Variants in KIF6 observed in about 807,000 individuals in gnomAD.
The protein encoded by KIF6 is kinesin-like protein KIF6.
Under a neutral mutation model 112.7 loss-of-function variants are expected in KIF6, and 106 were observed. The observed-to-expected ratio is 0.94, with a 90% CI of 0.80 to 1.11. The LOEUF is 1.11. Among genes scored for constraint, KIF6 ranks in the 50% least tolerant of loss-of-function variants. The pLI is 0.00. For missense variants in KIF6, 929 were observed against 964.0 expected, an observed-to-expected ratio of 0.96 and a Z score of 0.48; for synonymous variants, 339 against 339.9, an observed-to-expected ratio of 1.00 and a Z score of 0.03.
At chr6:39,357,669 G>A (rs565577082) in intron 18 of KIF6, among the ~76,000 whole-genome samples, 1 of 152,060 alleles carries the variant, frequency 6.6e-6, no homozygotes, top group African/African-American at 2.4e-5. Context: ...GGCTGGTCTC[G>A]AACTCCTGAC....
chr6:39,429,920 T>A (rs80009770), intron 14 of KIF6, among the ~76,000 whole-genome samples: 71 of 151,264 alleles, frequency 4.7e-4, no homozygotes, highest in African/African-American at 9.2e-4. Flanking sequence ...AAAAAAAAAA[T>A]GATTTTCATC....
At position 39,545,659 on chromosome 6, in the gene KIF6, T is replaced by C. The variant is rs763378621; in HGVS notation, c.1211A>G (p.Glu404Gly). The C allele has an allele frequency of 5.0e-6, 8 of 1,613,262 alleles. No homozygotes were observed. Among genetic ancestry groups the C allele is most frequent in the Non-Finnish European group, 6.8e-6 (8 of 1,179,368 alleles). ...QLEKLITSFL[E>G]DQDSDSRLEV... ...TAATCTACTGTCTGAATCCTGGTCT[T>C]CCAAAAAGGATGTTATTAGTTTTTC... Residue 404 changes from glutamate (E) to glycine (G), a missense_variant, in exon 11 of 23, where the codon GAA (glutamate) becomes GGA (glycine). This residue lies in a region of KIF6 where 688 missense variants were observed against 662.7 expected (regional missense o/e 1.04). Transcript: ENST00000287152.
chr6:39,610,216 C>T (rs1783141744), intron 6 of KIF6, among the ~76,000 whole-genome samples: 2 of 152,062 alleles, frequency 1.3e-5, no homozygotes, highest in Admixed American at 1.3e-4. Context: ...TTCTCTTTGG[C>T]CCAGCAGTTC....
intron 19 of KIF6, among the ~76,000 whole-genome samples, chr6:39,348,431 AG>A (rs1268205775): frequency 6.6e-6 from 1 of 152,102 alleles, no homozygotes; most frequent in Non-Finnish European, 1.5e-5. Context: ...GTGCAATGGA[AG>A]GCTGGGGGCT....
intron 19 of KIF6, among the ~76,000 whole-genome samples, chr6:39,352,420 T>C (rs1045648650): frequency 2.6e-5 from 4 of 152,206 alleles, no homozygotes; most frequent in Non-Finnish European, 4.4e-5. Flanking sequence ...TTCCCTGTGC[T>C]CCATCTATTC....
Position 39,682,884 on chromosome 6 carries a change from A to G in KIF6, c.251+31808T>C, listed in dbSNP as rs562998005. Among the ~76,000 whole-genome samples the G allele has an allele frequency of 1.3e-4, 20 of 152,238 alleles. No homozygotes were observed. In the East Asian group the frequency reaches 1.9e-3, roughly 15 times the overall value. ...TGAGCCACCGCGCCAGCGTGACTAGATATTTCTAATGCGATTGGGAGGTCA... is the reference window on the plus strand; with the variant it reads ...TGAGCCACCGCGCCAGCGTGACTAGGTATTTCTAATGCGATTGGGAGGTCA... On this transcript the variant is annotated intron_variant, in intron 3 of 22. Coordinates refer to ENST00000287152, the MANE Select transcript of KIF6 (RefSeq NM_145027.6).
chr6:39,565,786 T>C (rs1341245947), intron 10 of KIF6, among the ~76,000 whole-genome samples: 1 of 152,240 alleles, frequency 6.6e-6, no homozygotes, highest in Non-Finnish European at 1.5e-5. Flanking sequence ...CATTTGAGTA[T>C]TTTTAGTACA....
At chr6:39,516,150 T>C (rs1777073262) in intron 13 of KIF6, among the ~76,000 whole-genome samples, 1 of 152,128 alleles carries the variant, frequency 6.6e-6, no homozygotes, top group African/African-American at 2.4e-5. Flanking sequence ...GGGTAAGAGA[T>C]ATGCAACCTG....
intron 6 of KIF6, among the ~76,000 whole-genome samples, chr6:39,611,964 A>G (rs1462159890): frequency 6.6e-6 from 1 of 152,234 alleles, no homozygotes; most frequent in Non-Finnish European, 1.5e-5. Context: ...GTTGTTTCAA[A>G]TAAAAGTAAA....
intron 13 of KIF6, among the ~76,000 whole-genome samples, chr6:39,510,754 T>C (rs1185664169): frequency 6.6e-6 from 1 of 150,452 alleles, no homozygotes; most frequent in Admixed American, 6.6e-5. Context: ...GACTGGCAAA[T>C]TGGATAAAGA....
intron 16 of KIF6, among the ~76,000 whole-genome samples, chr6:39,377,825 C>G (rs968129071): frequency 5.9e-5 from 9 of 152,116 alleles, no homozygotes; most frequent in African/African-American, 2.2e-4. Context: ...CAGCCAGTGG[C>G]AATCCCAGGG....
At chr6:39,452,535 T>G (rs1772772311) in intron 13 of KIF6, among the ~76,000 whole-genome samples, 1 of 152,206 alleles carries the variant, frequency 6.6e-6, no homozygotes, top group African/African-American at 2.4e-5. Context: ...TTTCCTCTTG[T>G]TACAAACAGT....
At chr6:39,376,964 C>T (rs948102817) in intron 16 of KIF6, among the ~76,000 whole-genome samples, 9 of 152,224 alleles carry the variant, frequency 5.9e-5, no homozygotes, top group Non-Finnish European at 8.8e-5. Flanking sequence ...CTGTCCTCAC[C>T]CTTGCCTCGT....
At chr6:39,714,963 A>G in intron 2 of KIF6, 197 bp from the exon 3 acceptor site, 1 of 520,224 alleles carries the variant, frequency 1.9e-6, no homozygotes, top group Non-Finnish European at 3.4e-6. Context: ...GTGGGTAAAC[A>G]GTATTGCTTT....
intron 9 of KIF6, 149 bp from the exon 10 acceptor site, chr6:39,578,308 G>T (rs1466563402): frequency 3.4e-5 from 18 of 527,806 alleles, no homozygotes; most frequent in Middle Eastern, 4.4e-4. Flanking sequence ...AAATCTTAAC[G>T]TTTTGTCAAA....
chr6:39,613,066 G>A lies in KIF6; in HGVS notation c.639+123C>T, dbSNP rs62403324. The stretch of plus-strand genomic sequence containing the variant: ...CTTTATCTGCATGTGAGGTTTGGAC[G>A]AGATTATTTTTAAGGTCATTGTTGG... On this transcript the variant is annotated intron_variant, in intron 6 of 22. Transcript: ENST00000287152. The A allele has an allele frequency of 4.4e-3, 3,051 of 698,970 alleles. 61 individuals are homozygous for A. The African/African-American group carries it at 0.045, about 10-fold the overall frequency. The allele number at this position is 698,970 out of a possible 1,614,324, so 43.3% of individuals were successfully genotyped here.
rs35824483 is a variant in KIF6, at chr6:39,355,783, CTT to C, written c.2180+1492_2180+1493del. On this transcript the variant is annotated intron_variant, in intron 19 of 22. Coordinates refer to ENST00000287152, the MANE Select transcript of KIF6 (RefSeq NM_145027.6). ...GGACAATAGTTGTTTTTTAAGAATA[CTT>C]TTTTTTTTTTTTTAAAGAATAGTTT... Among the ~76,000 whole-genome samples, 1,056 of 145,014 alleles carry C rather than the reference CTT, an allele frequency of 7.3e-3. 13 individuals are homozygous for C. Among genetic ancestry groups the C allele is most frequent in the African/African-American group, 0.024 (953 of 39,700 alleles).
At chr6:39,460,430 C>T (rs1484233188) in intron 13 of KIF6, among the ~76,000 whole-genome samples, 8 of 127,474 alleles carry the variant, frequency 6.3e-5, no homozygotes, top group African/African-American at 2.2e-4. Flanking sequence ...TGCTAGATGA[C>T]GAGTTAGTGG....
intron 13 of KIF6, among the ~76,000 whole-genome samples, chr6:39,521,967 T>G (rs1276696484): frequency 6.6e-6 from 1 of 152,122 alleles, no homozygotes; most frequent in Non-Finnish European, 1.5e-5. Context: ...CACCTCTGTC[T>G]CATCCCACCC....
Sources: gnomAD v4.1 joint callset for allele counts (sites outside exome capture counted in the v4.1 genomes callset) on GRCh38, gnomAD v4.1.1 for gene constraint, gnomAD v4.1.1 regional missense constraint, MANE v1.5 for transcripts, NCBI Gene and HGNC (gene_info 2026-07-23, HGNC 2026-07-21) for gene names.